The following NALF1 variants were observed in gnomAD, a reference collection of about 807,000 sequenced individuals.
NALF1 encodes family with sequence similarity 155 member A.
A neutral mutation model predicts 48.4 loss-of-function variants in NALF1; 3 were observed. The ratio of observed to expected loss-of-function variants is 0.06; its 90% CI spans 0.03 to 0.16. The LOEUF is 0.16. Among genes scored for constraint, NALF1 ranks in the 10% least tolerant of loss-of-function variants. The probability of loss-of-function intolerance (pLI) is 1.00; values close to 1 mark genes in which losing one functional copy is unlikely to be tolerated. For synonymous variants in NALF1, 262 were observed against 245.7 expected, an observed-to-expected ratio of 1.07 and a Z score of -0.62; for missense variants, 526 against 571.5, an observed-to-expected ratio of 0.92 and a Z score of 0.81.
At chr13:107,554,562 AG>A (rs1343759384) in intron 1 of NALF1, among the ~76,000 whole-genome samples, 2 of 152,190 alleles carry the variant, frequency 1.3e-5, no homozygotes, top group African/African-American at 4.8e-5. Context: ...TCAGAGGCCC[AG>A]AGAGGCTGAG....
At chr13:107,325,913 T>G (rs12016881) in intron 1 of NALF1, among the ~76,000 whole-genome samples, 1 of 127,852 alleles carries the variant, frequency 7.8e-6, no homozygotes. Flanking sequence ...CACACATATA[T>G]ACATATATCA....
intron 1 of NALF1, among the ~76,000 whole-genome samples, chr13:107,695,939 C>T (rs1881690314): frequency 6.6e-6 from 1 of 151,672 alleles, no homozygotes; most frequent in African/African-American, 2.4e-5. Flanking sequence ...CTCTGTCACC[C>T]AGGCTGGGGT....
intron 1 of NALF1, among the ~76,000 whole-genome samples, chr13:107,418,277 G>C (rs141222002): frequency 1.1e-4 from 16 of 152,154 alleles, no homozygotes; most frequent in Admixed American, 2.6e-4. Flanking sequence ...CCATGCCCTG[G>C]AGTAATCCCC....
rs1566327344 is a variant in NALF1 at position 107,403,211 on chromosome 13, T to TA, written c.916-192457_916-192456insT. Among the ~76,000 whole-genome samples, 262 of 131,052 alleles carry TA rather than the reference T, an allele frequency of 2.0e-3. 7 individuals carry two copies. Among genetic ancestry groups the TA allele is most frequent in the African/African-American group, 7.2e-3 (242 of 33,622 alleles). 86.0% of individuals were successfully genotyped at this position (131,052 alleles called of 152,430 possible). ...GGCTTTTTTTTTTTTTTTTTTTTTT[T>TA]TTTTTTTATCATTTTCGTAATCCCT... On this transcript the variant is annotated intron_variant, in intron 1 of 2. Coordinates refer to ENST00000375915, the MANE Select transcript of NALF1 (RefSeq NM_001080396.3).
chr13:107,452,325 T>G (rs1283785184), intron 1 of NALF1, among the ~76,000 whole-genome samples: 2 of 152,176 alleles, frequency 1.3e-5, no homozygotes, highest in Non-Finnish European at 2.9e-5. Context: ...AGAGGTTTAA[T>G]TAACTCACAG....
At chr13:107,422,291 A>G (rs1387170373) in intron 1 of NALF1, among the ~76,000 whole-genome samples, 1 of 152,200 alleles carries the variant, frequency 6.6e-6, no homozygotes, top group Admixed American at 6.5e-5. Flanking sequence ...TATAAGCCTT[A>G]AAAACTCAAC....
At chr13:107,831,489 T>C (rs1209524024) in intron 1 of NALF1, among the ~76,000 whole-genome samples, 1 of 152,074 alleles carries the variant, frequency 6.6e-6, no homozygotes, top group Non-Finnish European at 1.5e-5. Context: ...TTCGCTGGTT[T>C]GGCTTAGGTC....
intron 1 of NALF1, among the ~76,000 whole-genome samples, chr13:107,382,656 A>G (rs1260173669): frequency 1.3e-5 from 2 of 152,134 alleles, no homozygotes; most frequent in Non-Finnish European, 1.5e-5. Flanking sequence ...CTGCCTCCTC[A>G]GTTTCCTCCA....
intron 1 of NALF1, among the ~76,000 whole-genome samples, chr13:107,241,074 A>AT (rs1478530504): frequency 6.7e-6 from 1 of 149,018 alleles, no homozygotes; most frequent in Non-Finnish European, 1.5e-5. Flanking sequence ...AAAAAAAAAA[A>AT]GCCGAACTAC....
At chr13:107,188,146 A>C (rs1879215249) in intron 2 of NALF1, among the ~76,000 whole-genome samples, 1 of 152,186 alleles carries the variant, frequency 6.6e-6, no homozygotes, top group African/African-American at 2.4e-5. Flanking sequence ...ATGTAAATCC[A>C]AATTTAGTGT....
chr13:107,327,882 T>C (rs12876809), intron 1 of NALF1, among the ~76,000 whole-genome samples: 44,402 of 151,928 alleles, frequency 0.29, 6,797 homozygotes, highest in African/African-American at 0.32. Flanking sequence ...GCCACCGAAA[T>C]CCTAGTTATC....
chr13:107,553,677 C>A (rs1165649908), intron 1 of NALF1, among the ~76,000 whole-genome samples: 1 of 152,128 alleles, frequency 6.6e-6, no homozygotes, highest in Non-Finnish European at 1.5e-5. Context: ...GTTAATTAAG[C>A]TTCATTAATT....
At chr13:107,686,244 T>C (rs914873177) in intron 1 of NALF1, among the ~76,000 whole-genome samples, 1 of 152,162 alleles carries the variant, frequency 6.6e-6, no homozygotes, top group Non-Finnish European at 1.5e-5. Flanking sequence ...AGGTTTCAGA[T>C]GAAGGCAGAG....
chr13:107,533,194 T>C (rs1318534799), intron 1 of NALF1, among the ~76,000 whole-genome samples: 1 of 152,158 alleles, frequency 6.6e-6, no homozygotes. Context: ...ATATTTTGTT[T>C]GTAAAGTGAC....
intron 1 of NALF1, among the ~76,000 whole-genome samples, chr13:107,572,431 C>G (rs918990090): frequency 6.6e-6 from 1 of 152,126 alleles, no homozygotes; most frequent in African/African-American, 2.4e-5. Context: ...GCAGGGGTCA[C>G]TTGGCTCTCT....
Position 107,371,950 on chromosome 13 carries a change from T to C in NALF1, c.916-161195A>G, listed in dbSNP as rs144412999. Among the ~76,000 whole-genome samples the C allele has an allele frequency of 8.2e-4, 125 of 152,276 alleles. 1 individual carries two copies. The highest frequency in any genetic ancestry group is 2.9e-3 in the African/African-American group (120 of 41,556). On this transcript the variant is annotated intron_variant, in intron 1 of 2. Transcript: ENST00000375915. ...CCCCATCCCAGAATCGTATATACAT[T>C]GACAATAAGAGAGTAAGAAGGCTGC...
At chr13:107,660,485 A>ACAC (rs1183006530) in intron 1 of NALF1, among the ~76,000 whole-genome samples, 12 of 107,068 alleles carry the variant, frequency 1.1e-4, no homozygotes, top group Middle Eastern at 5.4e-3. Context: ...ACACACACAC[A>ACAC]ACAAAGAAAC....
intron 1 of NALF1, among the ~76,000 whole-genome samples, chr13:107,298,844 T>G (rs1881778058): frequency 6.6e-6 from 1 of 152,222 alleles, no homozygotes; most frequent in South Asian, 2.1e-4. Context: ...TCCCTAATGA[T>G]AACAACTTAC....
At chr13:107,290,198 AC>A (rs1280446265) in intron 1 of NALF1, among the ~76,000 whole-genome samples, 3 of 149,096 alleles carry the variant, frequency 2.0e-5, no homozygotes, top group East Asian at 4.0e-4. Context: ...AAAAAAAAAA[AC>A]CAGAAATACA....
Sources: gnomAD v4.1 joint callset for allele counts (sites outside exome capture counted in the v4.1 genomes callset) on GRCh38, gnomAD v4.1.1 for gene constraint, MANE v1.5 for transcripts, NCBI Gene and HGNC (gene_info 2026-07-23, HGNC 2026-07-21) for gene names.